The following PCLO variants were observed in gnomAD, a reference collection of about 807,000 sequenced individuals.
PCLO encodes piccolo presynaptic cytomatrix protein, also known as protein piccolo.
A neutral mutation model predicts 427.5 loss-of-function variants in PCLO; 82 were observed. The ratio of observed to expected loss-of-function variants is 0.19; its 90% CI spans 0.16 to 0.23. PCLO has a LOEUF of 0.23. PCLO is among the 10% of genes least tolerant of loss of function. The pLI is 1.00. For synonymous variants in PCLO, 2,357 were observed against 2,155.4 expected (o/e 1.09, Z -2.59); for missense variants, 6,239 against 6,115.9 (o/e 1.02, Z -0.67).
intron 3 of PCLO, among the ~76,000 whole-genome samples, chr7:83,101,083 C>T (rs1316230081): frequency 6.6e-6 from 1 of 151,868 alleles, no homozygotes; most frequent in African/African-American, 2.4e-5. Context: ...CTTTACTAAA[C>T]TGATTAACAA....
intron 3 of PCLO, among the ~76,000 whole-genome samples, chr7:83,072,101 T>C (rs2158655): frequency 0.24 from 35,917 of 151,992 alleles, 4,830 homozygotes; most frequent in East Asian, 0.56. Flanking sequence ...AAAAAACAAT[T>C]ATTTATCATT....
chr7:83,093,758 G>A (rs536754969), intron 3 of PCLO, among the ~76,000 whole-genome samples: 3 of 145,266 alleles, frequency 2.1e-5, no homozygotes, highest in South Asian at 2.2e-4. Context: ...CTCCCAAAGC[G>A]TTGGGATTAC....
At chr7:82,974,591 T>G (rs1168128673) in intron 3 of PCLO, among the ~76,000 whole-genome samples, 2 of 152,192 alleles carry the variant, frequency 1.3e-5, no homozygotes, top group African/African-American at 2.4e-5. Context: ...GCATTTTTTG[T>G]GATTAATTTT....
In PCLO at chr7:82,818,188, G is replaced by A. The variant is rs368358479; in HGVS notation, c.14791+4307C>T. Among the ~76,000 whole-genome samples, 8 of 152,126 alleles carry A rather than the reference G, an allele frequency of 5.3e-5. No individual in the cohort carries two copies. The East Asian group carries it at 1.5e-3, about 29-fold the overall frequency. On this transcript the variant is annotated intron_variant, in intron 20 of 24. Transcript: ENST00000333891. The stretch of plus-strand genomic sequence containing the variant: ...TTGCACAATCTGTCTAATCTTTCCC[G>A]TCAGGTGTTTTAGCATACAACTAAA...
chr7:82,803,673 TAC>T (rs10552682), intron 21 of PCLO, among the ~76,000 whole-genome samples: 69,032 of 151,864 alleles, frequency 0.45, 16,908 homozygotes, highest in East Asian at 0.82. Context: ...ATTCTGGCTA[TAC>T]ATTTTATAAT....
At position 82,956,227 on chromosome 7, in the gene PCLO, C is replaced by T. The variant is rs200242448; in HGVS notation, c.4726G>A (p.Glu1576Lys). Residue 1576 changes from glutamate to lysine, a missense_variant, in exon 5 of 25, where the codon GAG (glutamate) becomes AAG (lysine). Physicochemically the swap from Glu to Lys is moderately conservative, Grantham distance 56. Coordinates refer to ENST00000333891, the MANE Select transcript of PCLO (RefSeq NM_033026.6). ...TCTTTGAGCTGGTTTCTGATGAACT[C>T]ATCATCTTCAGAACCTGAAGCATCT... ...DEDASGSEDD[E>K]FIRNQLKEIS... 2.7e-5 allele frequency: 43 copies of T among 1,610,852 alleles called. No homozygotes were observed. In the Middle Eastern group the frequency reaches 4.9e-4, roughly 18 times the overall value.
intron 3 of PCLO, among the ~76,000 whole-genome samples, chr7:83,002,315 G>A (rs1157891400): frequency 2.6e-5 from 4 of 151,590 alleles, no homozygotes; most frequent in Non-Finnish European, 5.9e-5. Context: ...AACTATTTAT[G>A]TCTTTAACCC....
intron 3 of PCLO, among the ~76,000 whole-genome samples, chr7:83,132,399 T>C (rs151207875): frequency 5.9e-5 from 9 of 152,296 alleles, no homozygotes; most frequent in African/African-American, 2.2e-4. Flanking sequence ...TTCAAACTAT[T>C]CAAAGTACTG....
chr7:82,761,990 G>T (rs372724221), intron 22 of PCLO, among the ~76,000 whole-genome samples: 1 of 151,988 alleles, frequency 6.6e-6, no homozygotes, highest in Non-Finnish European at 1.5e-5. Context: ...CAATTCATGC[G>T]TTAATTCACT....
chr7:82,788,807 C>A (rs1167831847), intron 22 of PCLO, among the ~76,000 whole-genome samples: 14 of 151,498 alleles, frequency 9.2e-5, no homozygotes. Flanking sequence ...TTGTGTATTT[C>A]CATAACACGT....
intron 3 of PCLO, among the ~76,000 whole-genome samples, chr7:83,056,499 A>G (rs971549173): frequency 1.3e-5 from 2 of 152,228 alleles, no homozygotes; most frequent in African/African-American, 4.8e-5. Context: ...AGGATAATAA[A>G]TGCACTTGTC....
At chr7:83,156,981 T>G (rs1430953038) in intron 1 of PCLO, among the ~76,000 whole-genome samples, 1 of 152,158 alleles carries the variant, frequency 6.6e-6, no homozygotes, top group Admixed American at 6.5e-5. Flanking sequence ...AAGGGGAGTT[T>G]CTGATAATGG....
intron 10 of PCLO, among the ~76,000 whole-genome samples, chr7:82,851,268 A>G (rs1792646237): frequency 6.6e-6 from 1 of 151,596 alleles, no homozygotes; most frequent in Non-Finnish European, 1.5e-5. Context: ...GAGAGCATTG[A>G]GAGTGCTGTG....
chr7:83,056,056 T>G (rs1789371353), intron 3 of PCLO, among the ~76,000 whole-genome samples: 2 of 152,172 alleles, frequency 1.3e-5, no homozygotes, highest in Admixed American at 6.5e-5. Flanking sequence ...GGATACATGA[T>G]CTCAGCAATT....
intron 9 of PCLO, among the ~76,000 whole-genome samples, chr7:82,892,569 T>G (rs1254122716): frequency 4.6e-5 from 7 of 151,568 alleles, no homozygotes; most frequent in African/African-American, 1.7e-4. Flanking sequence ...AAGCCAAAAT[T>G]GACAAATGGG....
intron 20 of PCLO, among the ~76,000 whole-genome samples, chr7:82,814,501 T>C (rs1791636210): frequency 6.6e-6 from 1 of 150,814 alleles, no homozygotes; most frequent in African/African-American, 2.4e-5. Context: ...TATAATAATT[T>C]ATAAATTATA....
At chr7:82,901,103 G>C (rs1794027185) in intron 9 of PCLO, among the ~76,000 whole-genome samples, 1 of 151,768 alleles carries the variant, frequency 6.6e-6, no homozygotes, top group African/African-American at 2.4e-5. Context: ...AATAACTGCA[G>C]AGCATTGTAA....
chr7:83,125,194 A>G (rs898014160), intron 3 of PCLO, among the ~76,000 whole-genome samples: 1 of 151,752 alleles, frequency 6.6e-6, no homozygotes, highest in South Asian at 2.1e-4. Flanking sequence ...GGAAGTGAGG[A>G]GCCTCTCTGC....
chr7:82,861,577 C>T (rs1252041029), intron 10 of PCLO, among the ~76,000 whole-genome samples: 1 of 151,772 alleles, frequency 6.6e-6, no homozygotes, highest in African/African-American at 2.4e-5. Context: ...CCATTTTCAG[C>T]AGAAAATCAG....
Sources: allele counts gnomAD v4.1 joint callset (sites outside exome capture counted in the v4.1 genomes callset), GRCh38; gene constraint gnomAD v4.1.1; transcripts MANE v1.5; gene names NCBI Gene and HGNC (gene_info 2026-07-23, HGNC 2026-07-21).